The following SNX29 variants were observed in gnomAD, a reference collection of about 807,000 sequenced individuals.
The protein encoded by SNX29 is sorting nexin-29.
Under a neutral mutation model 102.1 loss-of-function variants are expected in SNX29, and 78 were observed. That is an observed-to-expected ratio of 0.76 (90% CI 0.64 to 0.92). SNX29 has a LOEUF of 0.92. Ranked by LOEUF, SNX29 falls within the 40% of genes least tolerant of loss-of-function variation. SNX29 has a pLI of 0.00. For synonymous variants in SNX29, 580 were observed against 414.5 expected (o/e 1.40, Z -4.85); for missense variants, 1,280 against 1,061.7 (o/e 1.21, Z -2.86).
rs557156672 is a variant in SNX29, at chr16:12,400,764, A to G, written c.1955+2263A>G. On this transcript the variant is annotated intron_variant, in intron 17 of 20. Transcript: ENST00000566228. ...CATGTGATGTAAAAAATCAACAGAA[A>G]TGAAAGGAGAAACAAACAGCTCTAC... is the stretch of plus-strand genomic sequence containing the variant. 2.0e-5 allele frequency among the ~76,000 whole-genome samples: 3 copies of G among 152,352 alleles called. No homozygotes were observed. The East Asian group carries it at 5.8e-4, about 29-fold the overall frequency.
chr16:12,309,326 A>G (rs1242270993), intron 15 of SNX29, among the ~76,000 whole-genome samples: 2 of 152,180 alleles, frequency 1.3e-5, no homozygotes, highest in African/African-American at 4.8e-5. Context: ...TAGCCTCCCA[A>G]TGCAACAGTA....
intron 3 of SNX29, among the ~76,000 whole-genome samples, chr16:12,013,539 A>ATATATATATATATATATC (rs1661015763): frequency 8.3e-6 from 1 of 121,194 alleles, no homozygotes; most frequent in African/African-American, 3.0e-5. Flanking sequence ...ATATATATAT[A>ATATATATATATATATATC]TATCGAGAGA....
intron 14 of SNX29, among the ~76,000 whole-genome samples, chr16:12,245,165 A>G (rs1385157968): frequency 6.6e-6 from 1 of 152,172 alleles, no homozygotes; most frequent in Non-Finnish European, 1.5e-5. Context: ...GTAGTGGTTG[A>G]GAGCATATGC....
At chr16:12,249,977 G>C (rs1042462554) in intron 14 of SNX29, among the ~76,000 whole-genome samples, 1 of 152,216 alleles carries the variant, frequency 6.6e-6, no homozygotes, top group African/African-American at 2.4e-5. Flanking sequence ...GGGGAGGGCA[G>C]ATCGACAGGT....
chr16:12,027,503 T>G, intron 4 of SNX29, 59 bp downstream of exon 4: 1 of 1,594,818 alleles, frequency 6.3e-7, no homozygotes, highest in East Asian at 2.2e-5. Context: ...TCTTTTTCTT[T>G]TTATTTATTT....
intron 20 of SNX29, among the ~76,000 whole-genome samples, chr16:12,538,465 C>G (rs1038581793): frequency 1.3e-5 from 2 of 152,138 alleles, no homozygotes; most frequent in African/African-American, 4.8e-5. Context: ...CACGTATCTC[C>G]TATGTTGATG....
At chr16:12,080,755 G>A (rs573810157) in intron 11 of SNX29, among the ~76,000 whole-genome samples, 2 of 147,850 alleles carry the variant, frequency 1.4e-5, no homozygotes, top group African/African-American at 5.0e-5. Context: ...GCAATGGCAC[G>A]ATCTCAGCTT....
At chr16:12,367,761 A>G (rs1293937134) in intron 16 of SNX29, among the ~76,000 whole-genome samples, 1 of 152,242 alleles carries the variant, frequency 6.6e-6, no homozygotes, top group Non-Finnish European at 1.5e-5. Flanking sequence ...GTTCCAAATT[A>G]TAAGAGGCTT....
intron 16 of SNX29, among the ~76,000 whole-genome samples, chr16:12,388,996 C>T (rs919281244): frequency 6.6e-6 from 1 of 152,174 alleles, no homozygotes; most frequent in African/African-American, 2.4e-5. Flanking sequence ...AGACCTGCCG[C>T]TTAAACATCC....
rs144585709 is a variant in SNX29, at chr16:12,222,717, C to A, written c.1678+23034C>A. Among the ~76,000 whole-genome samples, 618 of 152,264 alleles carry A rather than the reference C, an allele frequency of 4.1e-3. 5 individuals carry two copies. Among genetic ancestry groups the A allele is most frequent in the Middle Eastern group, 0.014 (4 of 294 alleles). On this transcript the variant is annotated intron_variant, in intron 14 of 20. Coordinates refer to ENST00000566228, the MANE Select transcript of SNX29 (RefSeq NM_032167.5). Reference sequence around the variant, plus strand: ...TTGGGTAGCTAGGACTACAGGCACCCGCCACCATGCCCAGCTAATTTTTGT... The same window carrying A: ...TTGGGTAGCTAGGACTACAGGCACCAGCCACCATGCCCAGCTAATTTTTGT...
At chr16:12,128,997 C>A (rs912248598) in intron 12 of SNX29, among the ~76,000 whole-genome samples, 3 of 152,136 alleles carry the variant, frequency 2.0e-5, no homozygotes, top group African/African-American at 7.2e-5. Context: ...GCTGCCAGCC[C>A]CCTGTTGGAG....
chr16:12,440,046 A>T (rs1214954307), intron 18 of SNX29, among the ~76,000 whole-genome samples: 1 of 152,130 alleles, frequency 6.6e-6, no homozygotes, highest in Non-Finnish European at 1.5e-5. Flanking sequence ...TTAGAGTCTC[A>T]TGTATAAAAT....
chr16:12,312,636 C>T (rs549086456), intron 15 of SNX29, among the ~76,000 whole-genome samples: 200 of 152,078 alleles, frequency 1.3e-3, no homozygotes, highest in Non-Finnish European at 1.8e-3. Flanking sequence ...TCTCCCCCTC[C>T]TCAAGAACCT....
intron 14 of SNX29, among the ~76,000 whole-genome samples, chr16:12,244,809 T>G (rs1384944200): frequency 6.6e-6 from 1 of 152,204 alleles, no homozygotes; most frequent in Admixed American, 6.5e-5. Context: ...CCCTGGTTAA[T>G]GCTCAAACAC....
intron 18 of SNX29, among the ~76,000 whole-genome samples, chr16:12,473,254 CTGT>C (rs1597506817): frequency 6.6e-6 from 1 of 152,204 alleles, no homozygotes; most frequent in Non-Finnish European, 1.5e-5. Context: ...GTTTGAAGCA[CTGT>C]TGTTGTGGAT....
At chr16:12,322,394 G>A (rs895682496) in intron 15 of SNX29, among the ~76,000 whole-genome samples, 1 of 152,090 alleles carries the variant, frequency 6.6e-6, no homozygotes, top group Non-Finnish European at 1.5e-5. Flanking sequence ...AGTTCTCTTG[G>A]GATTCTGTCC....
chr16:12,550,505 A>C (rs1292104118), intron 20 of SNX29, among the ~76,000 whole-genome samples: 1 of 148,548 alleles, frequency 6.7e-6, no homozygotes, highest in Admixed American at 6.7e-5. Flanking sequence ...ATTACATTCC[A>C]GTCTGGGAGA....
chr16:12,477,630 A>AGT lies in SNX29; in HGVS notation c.2038-88_2038-87dup. 6 of 1,472,984 alleles carry AGT rather than the reference A, an allele frequency of 4.1e-6. No homozygotes were observed. The South Asian group carries it at 7.3e-5, about 18-fold the overall frequency. The allele number at this position is 1,472,984 out of a possible 1,614,324, so 91.2% of individuals were successfully genotyped here. A position where few individuals can be genotyped will look rare whatever the true frequency, so the allele number is the denominator to read the frequency against. On this transcript the variant is annotated intron_variant, in intron 18 of 20. Transcript: ENST00000566228. The stretch of plus-strand genomic sequence containing the variant: ...GTGACACAGATGTGACTCTTGCTGC[A>AGT]GTTGGTTTTCATGGGGAAAGCATAG...
intron 14 of SNX29, among the ~76,000 whole-genome samples, chr16:12,215,902 T>C (rs1353411645): frequency 6.6e-6 from 1 of 152,172 alleles, no homozygotes; most frequent in East Asian, 1.9e-4. Context: ...ATTAGCAGAG[T>C]GCAGGGGTCC....
Sources: gnomAD v4.1 joint callset for allele counts (sites outside exome capture counted in the v4.1 genomes callset) on GRCh38, gnomAD v4.1.1 for gene constraint, MANE v1.5 for transcripts, NCBI Gene and HGNC (gene_info 2026-07-23, HGNC 2026-07-21) for gene names.